Variants in FGF7 observed in about 807,000 individuals in gnomAD.
FGF7 encodes the protein fibroblast growth factor 7.
Under a neutral mutation model 20.5 loss-of-function variants are expected in FGF7, and 6 were observed. That is an observed-to-expected ratio of 0.29 (90% CI 0.16 to 0.58). FGF7 has a LOEUF of 0.58. Ranked by LOEUF, FGF7 falls within the 20% of genes least tolerant of loss-of-function variation. The pLI is 0.90. For synonymous variants in FGF7, 64 were observed against 74.7 expected (o/e 0.86, Z 0.74); for missense variants, 144 against 228.8 (o/e 0.63, Z 2.39).
rs754859304 is a variant in FGF7 at position 49,484,500 on chromosome 15, C to T, written c.581C>T (p.Thr194Ile). 2 of 1,503,566 alleles carry T rather than the reference C, an allele frequency of 1.3e-6. No individual in the cohort carries two copies. The highest frequency in any genetic ancestry group is 1.9e-5 in the Admixed American group (1 of 51,652). 93.1% of individuals were successfully genotyped at this position (1,503,566 alleles called of 1,614,324 possible). The change falls in exon 4 of 4, where the codon ACT becomes ATT. Residue 194 changes from threonine to isoleucine, a missense_variant. Transcript: ENST00000267843. ...KTAHFLPMAI[T>I] The stretch of plus-strand genomic sequence containing the variant: ...GCCCACTTTCTTCCTATGGCAATAA[C>T]TTAATTGCATATGGTATATAAAGAA...
intron 2 of FGF7, among the ~76,000 whole-genome samples, chr15:49,451,250 T>C (rs1597279884): frequency 1.3e-5 from 2 of 152,216 alleles, no homozygotes; most frequent in East Asian, 3.9e-4. Context: ...ACAGAAAGTG[T>C]GACAACTACA....
chr15:49,479,146 T>C (rs2055645796), intron 2 of FGF7, among the ~76,000 whole-genome samples: 1 of 152,198 alleles, frequency 6.6e-6, no homozygotes, highest in Non-Finnish European at 1.5e-5. Context: ...TCCTAAATAA[T>C]AAATTTGTGC....
Position 49,424,317 on chromosome 15 carries a change from C to A in FGF7, c.20C>A (p.Thr7Lys). 6.2e-7 allele frequency: 1 copy of A among 1,613,444 alleles called. No homozygotes were observed. The highest frequency in any genetic ancestry group is 1.1e-5 in the South Asian group (1 of 91,046). The change falls in exon 2 of 4, where the codon ACA (threonine) becomes AAA (lysine). Residue 7 changes from threonine (T) to lysine (K), a missense_variant. Thr to Lys is a moderately conservative substitution (Grantham distance 78, BLOSUM62 -1). Transcript: ENST00000267843. Reference sequence around the variant, plus strand: ...ACTATAATGCACAAATGGATACTGACATGGATCCTGCCAACTTTGCTCTAC... The same window carrying A: ...ACTATAATGCACAAATGGATACTGAAATGGATCCTGCCAACTTTGCTCTAC... MHKWIL[T>K]WILPTLLYRS...
At chr15:49,433,208 T>A (rs538966565) in intron 2 of FGF7, among the ~76,000 whole-genome samples, 20 of 151,704 alleles carry the variant, frequency 1.3e-4, no homozygotes, top group Non-Finnish European at 2.2e-4. Flanking sequence ...CTTATTCTCT[T>A]TCTGTGCCCC....
chr15:49,465,157 T>C (rs1000639346), intron 2 of FGF7, among the ~76,000 whole-genome samples: 1 of 151,964 alleles, frequency 6.6e-6, no homozygotes, highest in African/African-American at 2.4e-5. Flanking sequence ...TGAGATGGAG[T>C]CTCGCACTGT....
chr15:49,468,814 T>A (rs1434531802), intron 2 of FGF7, among the ~76,000 whole-genome samples: 1 of 152,216 alleles, frequency 6.6e-6, no homozygotes, highest in Non-Finnish European at 1.5e-5. Flanking sequence ...ATACTAGCAC[T>A]GACAAAAGAG....
chr15:49,434,869 AAG>A (rs917676532), intron 2 of FGF7, among the ~76,000 whole-genome samples: 22 of 151,676 alleles, frequency 1.5e-4, no homozygotes, highest in South Asian at 1.2e-3. Context: ...ATTAATAAAA[AAG>A]AGAACCAATT....
At chr15:49,459,053 CTAATA>C (rs1455746581) in intron 2 of FGF7, among the ~76,000 whole-genome samples, 2 of 152,180 alleles carry the variant, frequency 1.3e-5, no homozygotes, top group African/African-American at 4.8e-5. Flanking sequence ...TAATACTCAA[CTAATA>C]TATCTTCCTT....
In FGF7 at chr15:49,483,152, T is replaced by C; in HGVS notation, c.288T>C (p.Asn96=). ...ATGTCTTTCTGTGATTCCTTGCAGA[T>C]ATCATGGAAATCAGGACAGTGGCAG... ...KGTQEMKNNY[N]IMEIRTVAVG... The change falls in exon 3 of 4, where the codon AAT becomes AAC. Residue 96 remains asparagine (N), a splice_region_variant and synonymous_variant. Transcript: ENST00000267843. 5 of 1,530,890 alleles carry C rather than the reference T, an allele frequency of 3.3e-6. No individual in the cohort carries two copies. Among genetic ancestry groups the C allele is most frequent in the Non-Finnish European group, 4.5e-6 (5 of 1,120,118 alleles). 94.8% of individuals were successfully genotyped at this position (1,530,890 alleles called of 1,614,324 possible). A position where few individuals can be genotyped will look rare whatever the true frequency, so the allele number is the denominator to read the frequency against.
chr15:49,432,725 A>G (rs1370184570), intron 2 of FGF7, among the ~76,000 whole-genome samples: 1 of 151,658 alleles, frequency 6.6e-6, no homozygotes, highest in Non-Finnish European at 1.5e-5. Context: ...AAGATTATAT[A>G]TGATTTCGGA....
At chr15:49,459,631 A>G (rs1334012453) in intron 2 of FGF7, among the ~76,000 whole-genome samples, 4 of 152,108 alleles carry the variant, frequency 2.6e-5, no homozygotes, top group African/African-American at 7.2e-5. Flanking sequence ...ATAGAGTTTG[A>G]GGAATAATTA....
chr15:49,478,838 A>C (rs1310612362), intron 2 of FGF7, among the ~76,000 whole-genome samples: 8 of 152,202 alleles, frequency 5.3e-5, no homozygotes, highest in Non-Finnish European at 1.2e-4. Context: ...GTAATTTTTC[A>C]AATAGGAAAG....
intron 2 of FGF7, among the ~76,000 whole-genome samples, chr15:49,440,510 C>T (rs1202653210): frequency 1.3e-5 from 2 of 151,616 alleles, no homozygotes; most frequent in African/African-American, 4.8e-5. Context: ...GTCCTATTTA[C>T]ATAAAATTAT....
chr15:49,476,929 G>A (rs1439509958), intron 2 of FGF7, among the ~76,000 whole-genome samples: 10 of 151,952 alleles, frequency 6.6e-5, no homozygotes, highest in African/African-American at 2.2e-4. Context: ...GCGTGGTGGC[G>A]GGTGCCTGTA....
At chr15:49,470,159 T>C (rs1051946654) in intron 2 of FGF7, among the ~76,000 whole-genome samples, 2 of 152,120 alleles carry the variant, frequency 1.3e-5, no homozygotes, top group African/African-American at 4.8e-5. Context: ...AATTCTAAAA[T>C]GTTACTGTAG....
intron 2 of FGF7, among the ~76,000 whole-genome samples, chr15:49,480,979 A>G (rs2055891859): frequency 6.6e-6 from 1 of 152,242 alleles, no homozygotes; most frequent in South Asian, 2.1e-4. Flanking sequence ...AAGAAAAGCC[A>G]GCAAACATTA....
At chr15:49,471,032 G>C (rs1222838325) in intron 2 of FGF7, among the ~76,000 whole-genome samples, 1 of 152,158 alleles carries the variant, frequency 6.6e-6, no homozygotes, top group Non-Finnish European at 1.5e-5. Context: ...TTTTTCTTGA[G>C]TAGATGTGAA....
At chr15:49,451,592 T>C (rs2052748790) in intron 2 of FGF7, among the ~76,000 whole-genome samples, 2 of 152,140 alleles carry the variant, frequency 1.3e-5, no homozygotes, top group South Asian at 4.1e-4. Flanking sequence ...TCAATTCACC[T>C]TTAAATGTAC....
chr15:49,459,119 A>G (rs1004044173), intron 2 of FGF7, among the ~76,000 whole-genome samples: 7 of 152,216 alleles, frequency 4.6e-5, no homozygotes, highest in African/African-American at 1.4e-4. Flanking sequence ...AGTTTCCCAG[A>G]AAGTTTCAAA....
Sources: allele counts gnomAD v4.1 joint callset (sites outside exome capture counted in the v4.1 genomes callset), GRCh38; gene constraint gnomAD v4.1.1; transcripts MANE v1.5; gene names NCBI Gene and HGNC (gene_info 2026-07-23, HGNC 2026-07-21).